Variants in CAMKK2 observed in about 807,000 individuals in gnomAD.
CAMKK2 encodes calcium/calmodulin-dependent protein kinase kinase 2.
CAMKK2 carries 30 observed loss-of-function variants against 67.2 expected under a neutral mutation model. The ratio of observed to expected loss-of-function variants is 0.45; its 90% confidence interval spans 0.33 to 0.61. The LOEUF is 0.61. Ranked by LOEUF, CAMKK2 falls within the 20% of genes least tolerant of loss-of-function variation. The pLI, the probability that CAMKK2 is intolerant of heterozygous loss-of-function variation, is 0.02. For missense variants in CAMKK2, 643 were observed against 802.0 expected, an observed-to-expected ratio of 0.80 and a Z score of 2.39; for synonymous variants, 322 against 326.2, an observed-to-expected ratio of 0.99 and a Z score of 0.14.
At chr12:121,262,859 C>G (rs1893742449) in intron 6 of CAMKK2, among the ~76,000 whole-genome samples, 1 of 151,928 alleles carries the variant, frequency 6.6e-6, no homozygotes, top group Admixed American at 6.6e-5. Flanking sequence ...CGTGCCCAGC[C>G]TATTGTTTTT....
At chr12:121,283,587 G>T (rs906233932) in intron 1 of CAMKK2, among the ~76,000 whole-genome samples, 1 of 152,120 alleles carries the variant, frequency 6.6e-6, no homozygotes, top group African/African-American at 2.4e-5. Context: ...GACCGAGGTG[G>T]GAGGATGACT....
At chr12:121,272,317 C>T (rs1348657896) in intron 2 of CAMKK2, among the ~76,000 whole-genome samples, 2 of 152,176 alleles carry the variant, frequency 1.3e-5, no homozygotes, top group African/African-American at 2.4e-5. Flanking sequence ...AACTGTGGTA[C>T]GTCCATACAA....
At chr12:121,270,468 T>G (rs1718123) in intron 3 of CAMKK2, among the ~76,000 whole-genome samples, 1 of 151,912 alleles carries the variant, frequency 6.6e-6, no homozygotes, top group African/African-American at 2.4e-5. Flanking sequence ...GGTTTGCCAC[T>G]GTCCTTACCA....
intron 14 of CAMKK2, among the ~76,000 whole-genome samples, chr12:121,247,145 G>A (rs1018651723): frequency 6.6e-6 from 1 of 152,020 alleles, no homozygotes; most frequent in Non-Finnish European, 1.5e-5. Flanking sequence ...TCTCTCGGCG[G>A]AGTTAACACC....
upstream of CAMKK2, chr12:121,297,764 G>A (rs201141117): frequency 1.6e-5 from 8 of 493,546 alleles, 1 homozygote; most frequent in African/African-American, 9.8e-5. Flanking sequence ...TAACTGGGTG[G>A]ATTTCCAGCC....
In CAMKK2 at chr12:121,253,584, C is replaced by G. The variant is rs913009363; in HGVS notation, c.908-112G>C. On this transcript the variant is annotated intron_variant, in intron 9 of 16. Coordinates refer to ENST00000404169, the MANE Select transcript of CAMKK2 (RefSeq NM_001270485.2). The surrounding 1 kb of genome is among the most constrained non-coding windows in gnomAD (Gnocchi z 5.0). ...GCATGGCACCCCTCTGATGCCTTGT[C>G]TCCCACAGCCCCAGGCCTTTTCCAA... 6.8e-6 allele frequency: 6 copies of G among 882,032 alleles called. No homozygotes were observed. The highest frequency in any genetic ancestry group is 1.1e-5 in the Non-Finnish European group (6 of 538,830). 54.6% of individuals were successfully genotyped at this position (882,032 alleles called of 1,614,324 possible).
intron 1 of CAMKK2, among the ~76,000 whole-genome samples, chr12:121,290,930 C>T (rs1038219151): frequency 6.6e-6 from 1 of 152,190 alleles, no homozygotes; most frequent in Non-Finnish European, 1.5e-5. Context: ...AGCGATTCTC[C>T]TGCCTCAGCC....
chr12:121,264,281 G>A (rs1476976853), intron 5 of CAMKK2, among the ~76,000 whole-genome samples: 2 of 152,156 alleles, frequency 1.3e-5, no homozygotes, highest in African/African-American at 4.8e-5. Context: ...CCCCTCTCTG[G>A]GCTCAGTTTT....
At position 121,260,339 on chromosome 12, in the gene CAMKK2, T is replaced by A; in HGVS notation, c.776A>T (p.Asn259Ile). ...CTTACCCATGTACAGATGGTCCTCA[T>A]TGGGGTCATCCAGGACCTTGGCACA... The part of the protein sequence containing the change: ...VKLVEVLDDP[N>I]EDHLYMVFEL... Residue 259 changes from asparagine (N) to isoleucine (I), a missense_variant, in exon 7 of 17, where the codon AAT becomes ATT. This residue lies in a region of CAMKK2 where 483 missense variants were observed against 625.8 expected (regional missense o/e 0.77). Coordinates refer to ENST00000404169, the MANE Select transcript of CAMKK2 (RefSeq NM_001270485.2). The A allele has an allele frequency of 6.2e-7, 1 of 1,611,498 alleles. No individual in the cohort carries two copies. The highest frequency in any genetic ancestry group is 2.2e-5 in the East Asian group (1 of 44,796).
At chr12:121,275,031 C>G (rs886085142) in intron 1 of CAMKK2, among the ~76,000 whole-genome samples, 1 of 152,096 alleles carries the variant, frequency 6.6e-6, no homozygotes, top group Non-Finnish European at 1.5e-5. Context: ...GCACACATAT[C>G]CCCTACAGAA....
chr12:121,296,148 G>A lies in CAMKK2; in HGVS notation c.-60+490C>T, dbSNP rs1901135570. The stretch of plus-strand genomic sequence containing the variant: ...CCCACAACTGCTGGCCTAGGGTCCT[G>A]CCACCTGGTGTCCAAGCCACCAGGG... On this transcript the variant is annotated intron_variant, in intron 1 of 16. Coordinates refer to ENST00000404169, the MANE Select transcript of CAMKK2 (RefSeq NM_001270485.2). The surrounding 1 kb of genome is among the most constrained non-coding windows in gnomAD (Gnocchi z 7.1). Among the ~76,000 whole-genome samples, 1 of 152,186 alleles carries A rather than the reference G, an allele frequency of 6.6e-6. No homozygotes were observed. Among genetic ancestry groups the A allele is most frequent in the African/African-American group, 2.4e-5 (1 of 41,450 alleles).
intron 1 of CAMKK2, among the ~76,000 whole-genome samples, chr12:121,287,735 C>T (rs565287165): frequency 3.3e-5 from 5 of 152,220 alleles, no homozygotes; most frequent in South Asian, 4.1e-4. Flanking sequence ...TTTGGGAGGC[C>T]GAAGCAGGAA....
chr12:121,294,131 C>T (rs1449362299), intron 1 of CAMKK2, among the ~76,000 whole-genome samples: 5 of 152,098 alleles, frequency 3.3e-5, no homozygotes, highest in Admixed American at 2.6e-4. Flanking sequence ...TGGGGTTTCA[C>T]CATGTTGGCC....
chr12:121,246,116 G>A (rs1889397105), intron 14 of CAMKK2, among the ~76,000 whole-genome samples: 1 of 152,070 alleles, frequency 6.6e-6, no homozygotes, highest in Non-Finnish European at 1.5e-5. Flanking sequence ...TTGCTGATGG[G>A]CGGGGGTGTG....
At chr12:121,248,784 G>A in intron 13 of CAMKK2, 50 bp from the exon 14 acceptor site, 1 of 1,609,830 alleles carries the variant, frequency 6.2e-7, no homozygotes, top group Non-Finnish European at 8.5e-7. Context: ...TGGCTACCGG[G>A]GGGCCCTGCC....
chr12:121,248,518 G>C, intron 14 of CAMKK2, 88 bp downstream of exon 14: 2 of 1,526,582 alleles, frequency 1.3e-6, no homozygotes, highest in Non-Finnish European at 1.8e-6. Flanking sequence ...CTGACTCCCG[G>C]GCACCCGCCT....
At position 121,245,558 on chromosome 12, in the gene CAMKK2, A is replaced by T. The variant is rs145721495; in HGVS notation, c.1453-318T>A. Among the ~76,000 whole-genome samples, 437 of 151,912 alleles carry T rather than the reference A, an allele frequency of 2.9e-3. No homozygotes were observed. The highest frequency in any genetic ancestry group is 4.4e-3 in the Non-Finnish European group (296 of 67,926). On this transcript the variant is annotated intron_variant, in intron 14 of 16. Transcript: ENST00000404169. The surrounding 1 kb of genome is among the most constrained non-coding windows in gnomAD (Gnocchi z 5.8). ...TGGTCCCCTCACTCCCTGACTCAGC[A>T]TCCCCACCCAGAGGGGTCTGGAACT...
rs932268972 is a variant in CAMKK2, at chr12:121,294,401, G to A, written c.-60+2237C>T. Among the ~76,000 whole-genome samples, 9 of 152,300 alleles carry A rather than the reference G, an allele frequency of 5.9e-5. No homozygotes were observed. The East Asian group carries it at 9.6e-4, about 16-fold the overall frequency. On this transcript the variant is annotated intron_variant, in intron 1 of 16. Coordinates refer to ENST00000404169, the MANE Select transcript of CAMKK2 (RefSeq NM_001270485.2). ...CTGCCAGGAGGGTGGGACCACCCCCGGATGAGAACTAGTGCATTGTTATTA... is the reference window on the plus strand; with the variant it reads ...CTGCCAGGAGGGTGGGACCACCCCCAGATGAGAACTAGTGCATTGTTATTA...
At chr12:121,268,154 C>T (rs1318433390) in intron 5 of CAMKK2, among the ~76,000 whole-genome samples, 5 of 143,474 alleles carry the variant, frequency 3.5e-5, no homozygotes, top group Non-Finnish European at 7.5e-5. Flanking sequence ...CATATATACT[C>T]TATTCATTCT....
Sources: allele counts gnomAD v4.1 joint callset (sites outside exome capture counted in the v4.1 genomes callset), GRCh38; gene constraint gnomAD v4.1.1; regional missense constraint gnomAD v4.1.1; non-coding constraint Gnocchi (gnomAD v3.1); transcripts MANE v1.5; gene names NCBI Gene and HGNC (gene_info 2026-07-23, HGNC 2026-07-21).